The following CPLANE1 variants were observed in gnomAD, a reference collection of about 807,000 sequenced individuals.
The protein encoded by CPLANE1 is ciliogenesis and planar polarity effector complex subunit 1.
CPLANE1 carries 263 observed loss-of-function variants against 362.5 expected under a neutral mutation model. That is an observed-to-expected ratio of 0.73 (90% CI 0.66 to 0.80). The LOEUF (loss-of-function observed/expected upper bound fraction) is 0.80, where lower values mean the gene tolerates loss of function less well. Among genes scored for constraint, CPLANE1 ranks in the 30% least tolerant of loss-of-function variants. The pLI is 0.00. For synonymous variants in CPLANE1, 1,212 were observed against 1,302.6 expected, an observed-to-expected ratio of 0.93 and a Z score of 1.50; for missense variants, 3,461 against 3,793.4, an observed-to-expected ratio of 0.91 and a Z score of 2.30.
chr5:37,238,978 G>C lies in CPLANE1; in HGVS notation c.835-18C>G. 7.9e-7 allele frequency: 1 copy of C among 1,265,748 alleles called. No individual in the cohort carries two copies. The highest frequency in any genetic ancestry group is 1.1e-6 in the Non-Finnish European group (1 of 924,226). 78.4% of individuals were successfully genotyped at this position (1,265,748 alleles called of 1,614,324 possible). A position where few individuals can be genotyped will look rare whatever the true frequency, so the allele number is the denominator to read the frequency against. ...TGAGTTGCCTAGAAAGGAAAAAAAA[G>C]ACAAGAAAACTATTAAAATTATTTT... is the stretch of plus-strand genomic sequence containing the variant. On this transcript the variant is annotated intron_variant, in intron 7 of 52. Coordinates refer to ENST00000651892, the MANE Select transcript of CPLANE1 (RefSeq NM_001384732.1).
In CPLANE1 at chr5:37,229,028, C is replaced by T. The variant is rs530750519; in HGVS notation, c.1122-1211G>A. On this transcript the variant is annotated intron_variant, in intron 9 of 52. Coordinates refer to ENST00000651892, the MANE Select transcript of CPLANE1 (RefSeq NM_001384732.1). ...CGAGGTTAGGAGTTTGAGACCAGCCCGACCAATACGGTGAAACCCCATCTC... is the reference window on the plus strand; with the variant it reads ...CGAGGTTAGGAGTTTGAGACCAGCCTGACCAATACGGTGAAACCCCATCTC... Among the ~76,000 whole-genome samples, 3 of 151,592 alleles carry T rather than the reference C, an allele frequency of 2.0e-5. No individual in the cohort carries two copies. The East Asian group carries it at 5.8e-4, about 30-fold the overall frequency.
rs1580364212 is a variant in CPLANE1 at position 37,168,852 on chromosome 5, G to T, written c.7172C>A (p.Ala2391Glu). ...CAATCTTGGGTATTTTCTTTCTTCTGCTATAGGTTGGATAGGTGTTGAGGG... is the reference window on the plus strand; with the variant it reads ...CAATCTTGGGTATTTTCTTTCTTCTTCTATAGGTTGGATAGGTGTTGAGGG... Reference protein sequence around the residue: ...TVPSTPIQPIAEERKYPRLSL... With the variant: ...TVPSTPIQPIEEERKYPRLSL... The change falls in exon 34 of 53, where the codon GCA (alanine) becomes GAA (glutamate). Residue 2391 changes from alanine (A) to glutamate (E), a missense_variant. By Grantham distance (107) the Ala-to-Glu change is moderately radical (BLOSUM62 -1). Transcript: ENST00000651892. 1 of 1,613,900 alleles carries T rather than the reference G, an allele frequency of 6.2e-7. No homozygotes were observed. The highest frequency in any genetic ancestry group is 1.1e-5 in the South Asian group (1 of 91,058).
intron 14 of CPLANE1, 28 bp downstream of exon 14, chr5:37,224,225 T>C (rs552725547): frequency 6.9e-7 from 1 of 1,448,814 alleles, no homozygotes; most frequent in South Asian, 1.3e-5. Flanking sequence ...GCTAATATTA[T>C]GGCACATATT....
rs201292596 is a variant in CPLANE1, at chr5:37,227,368, G to C, written c.1396C>G (p.Arg466Gly). 1.9e-6 allele frequency: 3 copies of C among 1,546,496 alleles called. No homozygotes were observed. The South Asian group carries it at 3.6e-5, about 19-fold the overall frequency. ...CTAGACCTTAGGGAATTCAGTGATCGCAAGTTCAGTCCTTTGCCTTTTGGC... is the reference window on the plus strand; with the variant it reads ...CTAGACCTTAGGGAATTCAGTGATCCCAAGTTCAGTCCTTTGCCTTTTGGC... ...SKPKGKGLNL[R>G]SLNSLRSSLL... Residue 466 changes from arginine to glycine, a missense_variant, in exon 11 of 53, where the codon CGA becomes GGA. Around this residue, in one of 2 missense-constraint regions of CPLANE1, gnomAD observed 3,380 missense variants for 3,666.1 expected, o/e 0.92. Coordinates refer to ENST00000651892, the MANE Select transcript of CPLANE1 (RefSeq NM_001384732.1).
chr5:37,224,980 T>A (rs1352509009), intron 12 of CPLANE1, among the ~76,000 whole-genome samples: 1 of 148,084 alleles, frequency 6.8e-6, no homozygotes, highest in Admixed American at 6.8e-5. Flanking sequence ...ACACAAGGTC[T>A]CACTACGTTG....
At chr5:37,235,567 C>CTTTT (rs546612161) in intron 8 of CPLANE1, among the ~76,000 whole-genome samples, 41 of 93,336 alleles carry the variant, frequency 4.4e-4, no homozygotes, top group Non-Finnish European at 7.1e-4. Context: ...TATCTAATTT[C>CTTTT]TTTTTTTTTT....
chr5:37,186,408 ATTGT>A lies in CPLANE1; in HGVS notation c.4081-18_4081-15del. ...AATTTCTGCTACCTTCAGAAAAAAAATTGTTTAAGTTTTATGAGAAACATCATTC... is the reference window on the plus strand; with the variant it reads ...AATTTCTGCTACCTTCAGAAAAAAAATTAAGTTTTATGAGAAACATCATTC... On this transcript the variant is annotated splice_polypyrimidine_tract_variant and intron_variant, in intron 23 of 52. Transcript: ENST00000651892. The A allele has an allele frequency of 1.6e-6, 2 of 1,240,028 alleles. No individual in the cohort carries two copies. The highest frequency in any genetic ancestry group is 1.2e-6 in the Non-Finnish European group (1 of 846,562). The allele number at this position is 1,240,028 out of a possible 1,614,324, so 76.8% of individuals were successfully genotyped here. A position where few individuals can be genotyped will look rare whatever the true frequency, so the allele number is the denominator to read the frequency against.
chr5:37,187,403 A>G lies in CPLANE1; in HGVS notation c.4080+11T>C, dbSNP rs1784376536. On this transcript the variant is annotated intron_variant, in intron 23 of 52. Coordinates refer to ENST00000651892, the MANE Select transcript of CPLANE1 (RefSeq NM_001384732.1). ...TCTGATGTAGTTTACTTTCACCTAC[A>G]AGCACATTACCTTTCTGATTGGTGG... The G allele has an allele frequency of 1.2e-5, 19 of 1,595,998 alleles. No individual in the cohort carries two copies. Among genetic ancestry groups the G allele is most frequent in the Non-Finnish European group, 1.6e-5 (19 of 1,173,422 alleles).
Position 37,243,081 on chromosome 5 carries a change from A to C in CPLANE1, c.609T>G (p.Tyr203Ter). The change falls in exon 6 of 53, where the codon TAT becomes TAG. Residue 203 changes from tyrosine to a stop codon, truncating the protein, a stop_gained. Transcript: ENST00000651892. LOFTEE classifies it high-confidence loss of function. The part of the protein sequence containing the change: ...GDCCLCSFTF[Y>*]SGECLKLTFL... ...ATGTTAACTTCAGGCATTCCCCAGA[A>C]TAAAAAGTAAATGAACACAGGCAGC... is the stretch of plus-strand genomic sequence containing the variant. 6.5e-7 allele frequency: 1 copy of C among 1,548,204 alleles called. No homozygotes were observed. The highest frequency in any genetic ancestry group is 8.7e-7 in the Non-Finnish European group (1 of 1,145,378).
At chr5:37,142,220 C>T (rs1011615627) in intron 44 of CPLANE1, 90 bp downstream of exon 44, 233 of 1,339,228 alleles carry the variant, frequency 1.7e-4, no homozygotes, top group Non-Finnish European at 2.1e-4. Context: ...CTTCACAAAC[C>T]TTTCATAACT....
intron 23 of CPLANE1, among the ~76,000 whole-genome samples, chr5:37,187,175 T>A (rs564609753): frequency 5.5e-4 from 83 of 151,902 alleles, no homozygotes; most frequent in Non-Finnish European, 5.9e-5. Flanking sequence ...ATCTCCCCAT[T>A]TCCACCACAT....
intron 44 of CPLANE1, 42 bp downstream of exon 44, chr5:37,142,268 G>T: frequency 7.1e-7 from 1 of 1,417,622 alleles, no homozygotes; most frequent in South Asian, 1.8e-5. Context: ...CATTATAATG[G>T]AGAATAAGAG....
rs777584963 is a variant in CPLANE1, at chr5:37,173,920, T to C, written c.6006A>G (p.Lys2002=). The C allele has an allele frequency of 9.3e-6, 15 of 1,614,000 alleles. No homozygotes were observed. The African/African-American group carries it at 1.9e-4, about 20-fold the overall frequency. Residue 2002 remains lysine (K), a synonymous_variant, in exon 32 of 53, where the codon AAA becomes AAG. Coordinates refer to ENST00000651892, the MANE Select transcript of CPLANE1 (RefSeq NM_001384732.1). ...SSAQISTYKE[K]SSSVPLLISN... The stretch of plus-strand genomic sequence containing the variant: ...ATATCAGAAGTGGAACTGAGGAAGA[T>C]TTTTCTTTATATGTAGAAATCTGTG...
intron 8 of CPLANE1, among the ~76,000 whole-genome samples, chr5:37,232,847 A>G (rs1054789079): frequency 7.0e-6 from 1 of 142,300 alleles, no homozygotes; most frequent in African/African-American, 2.5e-5. Context: ...TGCAAAAAAA[A>G]AAAAAAAAAA....
intron 16 of CPLANE1, among the ~76,000 whole-genome samples, chr5:37,207,012 G>A: frequency 6.6e-6 from 1 of 152,174 alleles, no homozygotes; most frequent in East Asian, 1.9e-4. Context: ...TGATTACAAA[G>A]CAGAAAAGTG....
chr5:37,089,448 G>A, the CPLANE1 span, among the ~76,000 whole-genome samples: 5 of 152,090 alleles, frequency 3.3e-5, no homozygotes, highest in African/African-American at 1.2e-4. Flanking sequence ...TCCGATTTGG[G>A]TAGAACAGTG....
intron 34 of CPLANE1, among the ~76,000 whole-genome samples, chr5:37,168,389 G>T (rs16903526): frequency 0.17 from 25,934 of 152,064 alleles, 2,821 homozygotes; most frequent in African/African-American, 0.31. Flanking sequence ...GTTTAAATCT[G>T]ACACAGAGTA....
chr5:37,205,232 T>A lies in CPLANE1; in HGVS notation c.3289+83A>T, dbSNP rs2150115178. On this transcript the variant is annotated intron_variant, in intron 18 of 52. Coordinates refer to ENST00000651892, the MANE Select transcript of CPLANE1 (RefSeq NM_001384732.1). ...AAGTTTATTTCAAAGTGTTAATACA[T>A]TTGTAGACATGTATAAACTTTTTAA... The A allele has an allele frequency of 4.6e-6, 4 of 874,538 alleles. No homozygotes were observed. The Middle Eastern group carries it at 7.9e-4, about 174-fold the overall frequency. 54.2% of individuals were successfully genotyped at this position (874,538 alleles called of 1,614,324 possible).
chr5:37,107,359 T>C lies in CPLANE1; in HGVS notation c.*243A>G. 1 of 1,216,012 alleles carries C rather than the reference T, an allele frequency of 8.2e-7. No homozygotes were observed. Among genetic ancestry groups the C allele is most frequent in the Non-Finnish European group, 1.0e-6 (1 of 977,040 alleles). The allele number at this position is 1,216,012 out of a possible 1,614,324, so 75.3% of individuals were successfully genotyped here. A position where few individuals can be genotyped will look rare whatever the true frequency, so the allele number is the denominator to read the frequency against. On this transcript the variant is annotated 3_prime_UTR_variant, in exon 53 of 53. Transcript: ENST00000651892. ...TACTTATCATTTTAAAAATTATGCC[T>C]AATGATGCATCAAATACAAAAACAT...
Sources: gnomAD v4.1 joint callset for allele counts (sites outside exome capture counted in the v4.1 genomes callset) on GRCh38, gnomAD v4.1.1 for gene constraint, gnomAD v4.1.1 regional missense constraint, MANE v1.5 for transcripts, NCBI Gene and HGNC (gene_info 2026-07-23, HGNC 2026-07-21) for gene names.